Variants in RELCH observed in about 807,000 individuals in gnomAD.
RELCH encodes RAB11-binding protein RELCH.
Under a neutral mutation model 150.3 loss-of-function variants are expected in RELCH, and 41 were observed. The ratio of observed to expected loss-of-function variants is 0.27; its 90% confidence interval spans 0.21 to 0.35. The LOEUF is 0.35. RELCH is among the 10% of genes least tolerant of loss of function. The probability of loss-of-function intolerance (pLI) is 1.00; values close to 1 mark genes in which losing one functional copy is unlikely to be tolerated. For missense variants in RELCH, 1,092 were observed against 1,467.8 expected (o/e 0.74, Z 4.18); for synonymous variants, 478 against 531.8 (o/e 0.90, Z 1.39).
chr18:62,213,952 G>C (rs1268115928), intron 2 of RELCH, among the ~76,000 whole-genome samples: 1 of 151,856 alleles, frequency 6.6e-6, no homozygotes, highest in Non-Finnish European at 1.5e-5. Flanking sequence ...GCAAAGGGTA[G>C]TGGACCTGGA....
intron 26 of RELCH, among the ~76,000 whole-genome samples, chr18:62,290,683 C>CT (rs540255791): frequency 2.2e-3 from 328 of 152,224 alleles, no homozygotes; most frequent in African/African-American, 7.5e-3. Context: ...GAAAGTTTTC[C>CT]TGATACCTTT....
rs1450039566 is a variant in RELCH at position 62,221,212 on chromosome 18, C to T, written c.689-7C>T. 7 of 1,606,498 alleles carry T rather than the reference C, an allele frequency of 4.4e-6. No homozygotes were observed. The highest frequency in any genetic ancestry group is 6.0e-6 in the Non-Finnish European group (7 of 1,174,342). ...AGTAAAATAGTACTTATGTTTTTTTCCACCAGAACATGAAGTTCCTTTACA... is the reference window on the plus strand; with the variant it reads ...AGTAAAATAGTACTTATGTTTTTTTTCACCAGAACATGAAGTTCCTTTACA... On this transcript the variant is annotated splice_region_variant and splice_polypyrimidine_tract_variant and intron_variant, in intron 3 of 28. Coordinates refer to ENST00000644646, the MANE Select transcript of RELCH (RefSeq NM_001346231.2).
At chr18:62,270,951 A>G (rs559328814) in intron 20 of RELCH, among the ~76,000 whole-genome samples, 3 of 152,216 alleles carry the variant, frequency 2.0e-5, no homozygotes, top group South Asian at 2.1e-4. Flanking sequence ...AGCTGCATCC[A>G]TGGTGTATAT....
At chr18:62,236,047 A>C (rs747644638) in intron 10 of RELCH, among the ~76,000 whole-genome samples, 40 of 152,124 alleles carry the variant, frequency 2.6e-4, no homozygotes, top group Non-Finnish European at 5.0e-4. Context: ...CTTACAGGAA[A>C]GCTTCAATCT....
intron 11 of RELCH, among the ~76,000 whole-genome samples, chr18:62,251,806 CAT>C (rs1223362195): frequency 1.3e-5 from 2 of 152,200 alleles, no homozygotes; most frequent in East Asian, 3.9e-4. Context: ...AAGCATTGGG[CAT>C]ATATAATCTC....
At chr18:62,204,235 TA>T (rs1357642976) in intron 1 of RELCH, among the ~76,000 whole-genome samples, 3 of 152,188 alleles carry the variant, frequency 2.0e-5, no homozygotes, top group Non-Finnish European at 1.5e-5. Context: ...TATAGTGTAA[TA>T]AAAAATATTG....
At position 62,308,002 on chromosome 18, in the gene RELCH, G is replaced by C. The variant is rs1395035861; in HGVS notation, c.*2468G>C. The C allele has an allele frequency of 6.6e-6, 1 of 152,178 alleles. No individual in the cohort carries two copies. The highest frequency in any genetic ancestry group is 1.9e-4 in the East Asian group (1 of 5,190). The allele number at this position is 152,178 out of a possible 1,614,324, so 9.4% of individuals were successfully genotyped here. On this transcript the variant is annotated 3_prime_UTR_variant, in exon 29 of 29. Coordinates refer to ENST00000644646, the MANE Select transcript of RELCH (RefSeq NM_001346231.2). The stretch of plus-strand genomic sequence containing the variant: ...ATTGATTTTCAACCTGAACGAAATT[G>C]TGAGTAATTTAAGTCATGCCATCCT...
chr18:62,187,579 A>G lies in RELCH; in HGVS notation c.74A>G (p.Asp25Gly), dbSNP rs1295845849. The change falls in exon 1 of 29, where the codon GAC becomes GGC. Residue 25 changes from aspartate (D) to glycine (G), a missense_variant. Around this residue, in one of 4 missense-constraint regions of RELCH, gnomAD observed 138 missense variants for 124.8 expected, o/e 1.11. Transcript: ENST00000644646. ...VNPFLSDSDE[D>G]DDEVAATEER... ...CCATTTCTCAGTGATTCGGATGAGG[A>G]CGATGACGAGGTAGCTGCAACAGAG... 2 of 1,526,990 alleles carry G rather than the reference A, an allele frequency of 1.3e-6. No individual in the cohort carries two copies. The highest frequency in any genetic ancestry group is 1.3e-5 in the South Asian group (1 of 77,826). 94.6% of individuals were successfully genotyped at this position (1,526,990 alleles called of 1,614,324 possible).
intron 10 of RELCH, among the ~76,000 whole-genome samples, chr18:62,238,321 A>AT (rs978226846): frequency 5.9e-5 from 9 of 151,886 alleles, no homozygotes; most frequent in African/African-American, 2.2e-4. Context: ...AGATGGACTG[A>AT]TTTTTTATAT....
intron 27 of RELCH, among the ~76,000 whole-genome samples, chr18:62,295,098 C>G (rs2045339872): frequency 6.6e-6 from 1 of 152,088 alleles, no homozygotes; most frequent in South Asian, 2.1e-4. Flanking sequence ...TGTTCATGAC[C>G]CTTACCTTCC....
chr18:62,252,189 C>CG (rs1244843176), intron 11 of RELCH, among the ~76,000 whole-genome samples: 1 of 146,292 alleles, frequency 6.8e-6, no homozygotes, highest in Non-Finnish European at 1.5e-5. Context: ...TTAGTAGAGA[C>CG]GGGGTTTCAC....
rs549651531 is a variant in RELCH, at chr18:62,240,412, T to A, written c.1621-4352T>A. Among the ~76,000 whole-genome samples, 95 of 149,658 alleles carry A rather than the reference T, an allele frequency of 6.3e-4. 1 individual carries two copies. The highest frequency in any genetic ancestry group is 1.1e-3 in the Non-Finnish European group (73 of 67,230). Reference sequence around the variant, plus strand: ...AAACCATTTTCTTTTTTTTTTCTTTTTCTTTTTTTTTTTGGTGACAGGGTC... The same window carrying A: ...AAACCATTTTCTTTTTTTTTTCTTTATCTTTTTTTTTTTGGTGACAGGGTC... On this transcript the variant is annotated intron_variant, in intron 10 of 28. Transcript: ENST00000644646.
chr18:62,280,086 G>A (rs576938065), intron 23 of RELCH, among the ~76,000 whole-genome samples: 15 of 152,188 alleles, frequency 9.9e-5, no homozygotes, highest in African/African-American at 3.4e-4. Context: ...AAATATATTA[G>A]TAACATTAGT....
Position 62,187,634 on chromosome 18 carries a change from C to A in RELCH, c.129C>A (p.Ala43=). ...EERRAVLRLG[A]GSGLDPGSAG... is the part of the protein sequence containing the mutation. ...GGCGGGCAGTACTTCGGCTGGGCGC[C>A]GGAAGTGGCCTAGATCCTGGCTCTG... is the stretch of plus-strand genomic sequence containing the variant. Residue 43 remains alanine, a synonymous_variant, in exon 1 of 29, where the codon GCC becomes GCA. Transcript: ENST00000644646. The A allele has an allele frequency of 6.5e-7, 1 of 1,538,312 alleles. No individual in the cohort carries two copies. The highest frequency in any genetic ancestry group is 8.8e-7 in the Non-Finnish European group (1 of 1,140,736).
intron 1 of RELCH, among the ~76,000 whole-genome samples, chr18:62,197,545 T>C (rs2039130854): frequency 6.6e-6 from 1 of 152,186 alleles, no homozygotes; most frequent in African/African-American, 2.4e-5. Context: ...AAACTTCACA[T>C]CTACAGTATA....
rs753730545 is a variant in RELCH at position 62,252,718 on chromosome 18, T to G, written c.1788T>G (p.Arg596=). Residue 596 remains arginine (R), a synonymous_variant, in exon 12 of 29, where the codon CGT becomes CGG. Coordinates refer to ENST00000644646, the MANE Select transcript of RELCH (RefSeq NM_001346231.2). ...TTGCGCGTCATGTTGGACCAACACGTGTAGAAGCTGAACTTTTACCACAGT... is the reference window on the plus strand; with the variant it reads ...TTGCGCGTCATGTTGGACCAACACGGGTAGAAGCTGAACTTTTACCACAGT... The part of the protein sequence containing the change: ...VAFARHVGPT[R]VEAELLPQCW... 1 of 1,613,986 alleles carries G rather than the reference T, an allele frequency of 6.2e-7. No individual in the cohort carries two copies. Among genetic ancestry groups the G allele is most frequent in the South Asian group, 1.1e-5 (1 of 91,080 alleles).
intron 9 of RELCH, 50 bp downstream of exon 9, chr18:62,231,319 T>C: frequency 8.6e-7 from 1 of 1,164,936 alleles, no homozygotes; most frequent in Admixed American, 1.9e-5. Flanking sequence ...TTCTACTGTT[T>C]TTCTTCTTTT....
At chr18:62,254,306 CG>C (rs1159481986) in intron 12 of RELCH, among the ~76,000 whole-genome samples, 6 of 151,918 alleles carry the variant, frequency 3.9e-5, no homozygotes, top group Admixed American at 3.9e-4. Context: ...GAGTAGTGTA[CG>C]TTTTGCCCTT....
At chr18:62,303,820 G>A (rs2045769991) in intron 28 of RELCH, among the ~76,000 whole-genome samples, 2 of 152,228 alleles carry the variant, frequency 1.3e-5, no homozygotes, top group South Asian at 4.1e-4. Flanking sequence ...TCATCTTGTA[G>A]GTGGTATGTA....
Sources: gnomAD v4.1 joint callset for allele counts (sites outside exome capture counted in the v4.1 genomes callset) on GRCh38, gnomAD v4.1.1 for gene constraint, gnomAD v4.1.1 regional missense constraint, MANE v1.5 for transcripts, NCBI Gene and HGNC (gene_info 2026-07-23, HGNC 2026-07-21) for gene names.